The following MLYCD variants were observed in gnomAD, a reference collection of about 807,000 sequenced individuals.
MLYCD encodes the protein malonyl-CoA decarboxylase.
In MLYCD, 27 loss-of-function variants were observed where a neutral mutation model predicts 35.8. The observed-to-expected ratio is 0.75, with a 90% CI of 0.56 to 1.04. The LOEUF (loss-of-function observed/expected upper bound fraction) is 1.04, where lower values mean the gene tolerates loss of function less well. Among genes scored for constraint, MLYCD ranks in the 50% least tolerant of loss-of-function variants. The pLI, the probability that MLYCD is intolerant of heterozygous loss-of-function variation, is 0.00. For missense variants in MLYCD, 917 were observed against 665.1 expected (o/e 1.38, Z -4.17); for synonymous variants, 403 against 302.4 (o/e 1.33, Z -3.45).
At chr16:83,912,474 C>G (rs961670020) in intron 4 of MLYCD, 107 bp downstream of exon 4, 1 of 1,478,866 alleles carries the variant, frequency 6.8e-7, no homozygotes, top group Non-Finnish European at 9.3e-7. Context: ...AAGACAGGAG[C>G]TAAAGGGAGG....
rs566844703 is a variant in MLYCD, at chr16:83,905,061, C to G, written c.529-1926C>G. On this transcript the variant is annotated intron_variant, in intron 1 of 4. Transcript: ENST00000262430. ...CAACTCTTTCTCAGGCGTCAAAGTT[C>G]TGAGTCCTTTCACCCTTTAACAGGG... Among the ~76,000 whole-genome samples, 21 of 152,304 alleles carry G rather than the reference C, an allele frequency of 1.4e-4. No homozygotes were observed. In the South Asian group the frequency reaches 4.1e-3, roughly 30 times the overall value.
rs779130399 is a variant in MLYCD, at chr16:83,915,497, C to A, written c.*8C>A. ...AAGAACAGCAAGCTCTGACAGTAAACCTCTCCTAAAGCACAGGGCCCCGGC... is the reference window on the plus strand; with the variant it reads ...AAGAACAGCAAGCTCTGACAGTAAAACTCTCCTAAAGCACAGGGCCCCGGC... On this transcript the variant is annotated 3_prime_UTR_variant, in exon 5 of 5. Transcript: ENST00000262430. 4.3e-6 allele frequency: 7 copies of A among 1,609,380 alleles called. No homozygotes were observed. Among genetic ancestry groups the A allele is most frequent in the Non-Finnish European group, 5.9e-6 (7 of 1,179,928 alleles).
chr16:83,906,716 A>G (rs993811048), intron 1 of MLYCD, among the ~76,000 whole-genome samples: 6 of 146,832 alleles, frequency 4.1e-5, no homozygotes, highest in African/African-American at 1.6e-4. Context: ...TGATTTGGGC[A>G]ACTTAGTTCA....
intron 4 of MLYCD, chr16:83,913,182 C>G (rs538631964): frequency 6.6e-6 from 1 of 152,284 alleles, no homozygotes; most frequent in Non-Finnish European, 1.5e-5. Context: ...CTAGTAAATT[C>G]ATAATCAATT....
At position 83,911,536 on chromosome 16, in the gene MLYCD, C is replaced by T. The variant is rs765517496; in HGVS notation, c.799-682C>T. 20 of 154,062 alleles carry T rather than the reference C, an allele frequency of 1.3e-4. No individual in the cohort carries two copies. The Middle Eastern group carries it at 0.01, about 79-fold the overall frequency. The allele number at this position is 154,062 out of a possible 1,614,324, so 9.5% of individuals were successfully genotyped here. A position where few individuals can be genotyped will look rare whatever the true frequency, so the allele number is the denominator to read the frequency against. Reference sequence around the variant, plus strand: ...CTTCGGAGTATAAGGGATTAGAAAACGCTGCCGTGAGAATGAGAGGCAATA... The same window carrying T: ...CTTCGGAGTATAAGGGATTAGAAAATGCTGCCGTGAGAATGAGAGGCAATA... On this transcript the variant is annotated intron_variant, in intron 3 of 4. Transcript: ENST00000262430.
In MLYCD at chr16:83,915,155, A is replaced by G. The variant is rs1234487358; in HGVS notation, c.1148A>G (p.Glu383Gly). The change falls in exon 5 of 5, where the codon GAG (glutamate) becomes GGG (glycine). Residue 383 changes from glutamate (E) to glycine (G), a missense_variant. Glu to Gly is a moderately conservative substitution (Grantham distance 98). Transcript: ENST00000262430. ...ETLKLLLSSSEWVQSEKLVRA... is the reference protein window; with the variant it reads ...ETLKLLLSSSGWVQSEKLVRA... ...CTCAAGCTCCTCCTCAGCAGCAGCG[A>G]GTGGGTGCAGTCGGAGAAGCTGGTG... 1.2e-6 allele frequency: 2 copies of G among 1,614,202 alleles called. No individual in the cohort carries two copies. Among genetic ancestry groups the G allele is most frequent in the African/African-American group, 2.7e-5 (2 of 75,070 alleles).
Position 83,923,269 on chromosome 16 carries a change from CAT to C in MLYCD, c.*7781_*7782del, listed in dbSNP as rs1335989521. ...ATTCTGAGCTCTGTTTGAAATTAAA[CAT>C]GAGGTGTACTAAAGATTTAAATCGA... On this transcript the variant is annotated 3_prime_UTR_variant, in exon 5 of 5. Coordinates refer to ENST00000262430, the MANE Select transcript of MLYCD (RefSeq NM_012213.3). The C allele has an allele frequency of 1.3e-5, 2 of 152,242 alleles. No homozygotes were observed. The highest frequency in any genetic ancestry group is 4.8e-5 in the African/African-American group (2 of 41,460). 9.4% of individuals were successfully genotyped at this position (152,242 alleles called of 1,614,324 possible). A position where few individuals can be genotyped will look rare whatever the true frequency, so the allele number is the denominator to read the frequency against.
intron 1 of MLYCD, among the ~76,000 whole-genome samples, chr16:83,902,154 C>CATATATATAT (rs1555537762): frequency 2.4e-5 from 2 of 84,454 alleles, no homozygotes; most frequent in South Asian, 4.1e-4. Context: ...TGTGTGCGTG[C>CATATATATAT]GTATATATAT....
At chr16:83,912,902 C>G (rs1232233463) in intron 4 of MLYCD, 4 of 193,914 alleles carry the variant, frequency 2.1e-5, no homozygotes, top group Admixed American at 1.6e-4. Flanking sequence ...ATCTAACTCT[C>G]CTCTCTTTGC....
rs774717448 is a variant in MLYCD at position 83,899,176 on chromosome 16, G to A, written c.32G>A (p.Arg11Lys). 5 of 1,167,822 alleles carry A rather than the reference G, an allele frequency of 4.3e-6. 1 individual carries two copies. Among genetic ancestry groups the A allele is most frequent in the South Asian group, 3.4e-5 (1 of 29,538 alleles). 72.3% of individuals were successfully genotyped at this position (1,167,822 alleles called of 1,614,324 possible). A position where few individuals can be genotyped will look rare whatever the true frequency, so the allele number is the denominator to read the frequency against. The change falls in exon 1 of 5, where the codon AGG becomes AAG. Residue 11 changes from arginine (R) to lysine (K), a missense_variant. By Grantham distance (26) the Arg-to-Lys change is conservative. Coordinates refer to ENST00000262430, the MANE Select transcript of MLYCD (RefSeq NM_012213.3). MRGFGPGLTA[R>K]RLLPLRLPPR... is the part of the protein sequence containing the mutation. Reference sequence around the variant, plus strand: ...GGCTTCGGGCCAGGCTTGACGGCCAGGCGTCTCCTCCCGCTGCGGTTGCCC... The same window carrying A: ...GGCTTCGGGCCAGGCTTGACGGCCAAGCGTCTCCTCCCGCTGCGGTTGCCC...
At position 83,907,088 on chromosome 16, in the gene MLYCD, G is replaced by C. The variant is rs761614015; in HGVS notation, c.630G>C (p.Gln210His). 7.4e-6 allele frequency: 12 copies of C among 1,612,380 alleles called. No individual in the cohort carries two copies. The Admixed American group carries it at 2.0e-4, about 27-fold the overall frequency. ...VTWHSPCEVL[Q>H]KISEAEAVHP... Reference sequence around the variant, plus strand: ...GGCATTCACCGTGTGAAGTGCTTCAGAAAATCAGTGAGTAAGTATTACGGT... The same window carrying C: ...GGCATTCACCGTGTGAAGTGCTTCACAAAATCAGTGAGTAAGTATTACGGT... The change falls in exon 2 of 5, where the codon CAG becomes CAC. Residue 210 changes from glutamine (Q) to histidine (H), a missense_variant. By Grantham distance (24) the Gln-to-His change is conservative. Coordinates refer to ENST00000262430, the MANE Select transcript of MLYCD (RefSeq NM_012213.3).
rs113252752 is a variant in MLYCD, at chr16:83,910,690, CAAA to C, written c.799-1513_799-1511del. Among the ~76,000 whole-genome samples, 10 of 93,444 alleles carry C rather than the reference CAAA, an allele frequency of 1.1e-4. No individual in the cohort carries two copies. In the East Asian group the frequency reaches 1.2e-3, roughly 11 times the overall value. 61.3% of individuals were successfully genotyped at this position (93,444 alleles called of 152,430 possible). The stretch of plus-strand genomic sequence containing the variant: ...TGGGCGACAGAGCAAGACTCCATCT[CAAA>C]AAAAAAAAAAAAAAGAAAGGAGATA... On this transcript the variant is annotated intron_variant, in intron 3 of 4. Transcript: ENST00000262430.
In MLYCD at chr16:83,922,384, C is replaced by T. The variant is rs1174406315; in HGVS notation, c.*6895C>T. The T allele has an allele frequency of 6.6e-6, 1 of 152,304 alleles. No individual in the cohort carries two copies. The highest frequency in any genetic ancestry group is 1.5e-5 in the Non-Finnish European group (1 of 68,128). The allele number at this position is 152,304 out of a possible 1,614,324, so 9.4% of individuals were successfully genotyped here. On this transcript the variant is annotated 3_prime_UTR_variant, in exon 5 of 5. Coordinates refer to ENST00000262430, the MANE Select transcript of MLYCD (RefSeq NM_012213.3). Reference sequence around the variant, plus strand: ...GTTTCACAAGAGGCCCAGCCATGCACCCTGCTGGGGTTCAGACTTGAGGGG... The same window carrying T: ...GTTTCACAAGAGGCCCAGCCATGCATCCTGCTGGGGTTCAGACTTGAGGGG...
In MLYCD at chr16:83,910,794, G is replaced by A. The variant is rs140600406; in HGVS notation, c.799-1424G>A. Among the ~76,000 whole-genome samples, 30 of 152,208 alleles carry A rather than the reference G, an allele frequency of 2.0e-4. 1 individual carries two copies. In the South Asian group the frequency reaches 5.6e-3, roughly 28 times the overall value. On this transcript the variant is annotated intron_variant, in intron 3 of 4. Transcript: ENST00000262430. ...TCCATAGAGCACGGTGCAGGACAGCGGGCCCCTCTCGGGCCTCGGAGGATA... is the reference window on the plus strand; with the variant it reads ...TCCATAGAGCACGGTGCAGGACAGCAGGCCCCTCTCGGGCCTCGGAGGATA...
chr16:83,914,513 A>G (rs1286592201), intron 4 of MLYCD: 2 of 277,420 alleles, frequency 7.2e-6, no homozygotes, highest in Non-Finnish European at 1.4e-5. Context: ...AAGTCCCCCA[A>G]CACTCTAGTC....
At chr16:83,901,080 C>T (rs1197673928) in intron 1 of MLYCD, among the ~76,000 whole-genome samples, 3 of 152,124 alleles carry the variant, frequency 2.0e-5, no homozygotes, top group Admixed American at 6.5e-5. Context: ...TTTGATTCCC[C>T]GTGATAGCTG....
At chr16:83,901,789 A>G (rs1391395703) in intron 1 of MLYCD, among the ~76,000 whole-genome samples, 1 of 152,172 alleles carries the variant, frequency 6.6e-6, no homozygotes, top group Non-Finnish European at 1.5e-5. Context: ...GAGTCCTTAG[A>G]CATTCACAAG....
chr16:83,914,737 C>G, intron 4 of MLYCD: 1 of 610,056 alleles, frequency 1.6e-6, no homozygotes, highest in South Asian at 1.9e-5. Flanking sequence ...CATGATGACA[C>G]CACTGCACTC....
intron 3 of MLYCD, chr16:83,911,543 G>GACGA: frequency 1.3e-5 from 2 of 154,054 alleles, no homozygotes; most frequent in Admixed American, 6.4e-5. Flanking sequence ...AAACGCTGCC[G>GACGA]TGAGAATGAG....
Sources: allele counts gnomAD v4.1 joint callset (sites outside exome capture counted in the v4.1 genomes callset), GRCh38; gene constraint gnomAD v4.1.1; transcripts MANE v1.5; gene names NCBI Gene and HGNC (gene_info 2026-07-23, HGNC 2026-07-21).